GTF3C1: variants seen among roughly 807,000 people sequenced by gnomAD.
GTF3C1 encodes general transcription factor IIIC subunit 1.
A neutral mutation model predicts 226.7 loss-of-function variants in GTF3C1; 57 were observed. The ratio of observed to expected loss-of-function variants is 0.25; its 90% CI spans 0.20 to 0.31. The LOEUF (loss-of-function observed/expected upper bound fraction) is 0.31. Among genes scored for constraint, GTF3C1 ranks in the 10% least tolerant of loss-of-function variants. GTF3C1 has a pLI of 1.00. For missense variants in GTF3C1, 2,217 were observed against 2,776.1 expected, an observed-to-expected ratio of 0.80 and a Z score of 4.53; for synonymous variants, 1,090 against 1,084.8, an observed-to-expected ratio of 1.00 and a Z score of -0.09.
intron 33 of GTF3C1, 68 bp from the exon 34 acceptor site, chr16:27,464,904 G>A (rs1350912254): frequency 2.3e-6 from 3 of 1,294,548 alleles, no homozygotes; most frequent in East Asian, 2.5e-5. Flanking sequence ...GACGGGGGAC[G>A]AGTGGAGTGG....
intron 24 of GTF3C1, 59 bp downstream of exon 24, chr16:27,485,936 TCA>T: frequency 8.3e-7 from 1 of 1,201,166 alleles, no homozygotes; most frequent in South Asian, 1.4e-5. Flanking sequence ...CCCGGAAGGC[TCA>T]GACAGGAAGG....
intron 29 of GTF3C1, 86 bp downstream of exon 29, chr16:27,476,365 C>T (rs79257651): frequency 0.029 from 23,062 of 798,342 alleles, 459 homozygotes; most frequent in Admixed American, 0.05. Context: ...GAGCCCACAG[C>T]GGAGAAGGGC....
Position 27,492,468 on chromosome 16 carries a change from G to A in GTF3C1, c.3021C>T (p.Ile1007=). 3 of 1,613,544 alleles carry A rather than the reference G, an allele frequency of 1.9e-6. No individual in the cohort carries two copies. Among genetic ancestry groups the A allele is most frequent in the Non-Finnish European group, 2.5e-6 (3 of 1,179,410 alleles). The change falls in exon 19 of 37, where the codon ATC becomes ATT. Residue 1007 remains isoleucine, a synonymous_variant. Transcript: ENST00000356183. This position sits in a 1 kb window ranked among gnomAD's most constrained non-coding sequence, Gnocchi z 5.0. ...GGGCCAGGTTGTAATGTGGGTCGCAGATGGTAGTGTCAACAATGACTGCAT... is the reference window on the plus strand; with the variant it reads ...GGGCCAGGTTGTAATGTGGGTCGCAAATGGTAGTGTCAACAATGACTGCAT... ...KKNAVIVDTT[I]CDPHYNLARS...
At chr16:27,491,911 G>A (rs1175805032) in intron 19 of GTF3C1, among the ~76,000 whole-genome samples, 3 of 152,088 alleles carry the variant, frequency 2.0e-5, no homozygotes, top group African/African-American at 7.2e-5. Flanking sequence ...CTGTTCCCGA[G>A]CCCTGGAATA....
chr16:27,510,717 C>G (rs1461954486), intron 7 of GTF3C1, among the ~76,000 whole-genome samples: 1 of 152,216 alleles, frequency 6.6e-6, no homozygotes, highest in Non-Finnish European at 1.5e-5. Context: ...TCTGCTCTGT[C>G]CTCCTCCCTG....
chr16:27,500,056 A>G (rs1596636636), intron 12 of GTF3C1, among the ~76,000 whole-genome samples: 1 of 151,612 alleles, frequency 6.6e-6, no homozygotes, highest in African/African-American at 2.4e-5. Context: ...TCCCTCGCCC[A>G]CTCCCTCCAG....
chr16:27,503,047 G>A lies in GTF3C1; in HGVS notation c.1771-52C>T, dbSNP rs114737278. ...TGCAATGGGCTCGGCAAGGCTTGGG[G>A]GCCACGCACCACACCTGTGGGTGCA... On this transcript the variant is annotated intron_variant, in intron 10 of 36. Coordinates refer to ENST00000356183, the MANE Select transcript of GTF3C1 (RefSeq NM_001520.4). The A allele has an allele frequency of 4.8e-4, 708 of 1,467,522 alleles. 6 individuals are homozygous for A. In the African/African-American group the frequency reaches 7.4e-3, roughly 15 times the overall value. 90.9% of individuals were successfully genotyped at this position (1,467,522 alleles called of 1,614,324 possible).
At chr16:27,516,246 T>C (rs1385608748) in intron 6 of GTF3C1, among the ~76,000 whole-genome samples, 1 of 152,220 alleles carries the variant, frequency 6.6e-6, no homozygotes, top group Non-Finnish European at 1.5e-5. Flanking sequence ...TGAGGCTCAG[T>C]TGTTGGCCAT....
chr16:27,537,395 A>T (rs1452156892), intron 4 of GTF3C1, among the ~76,000 whole-genome samples: 1 of 152,170 alleles, frequency 6.6e-6, no homozygotes, highest in Non-Finnish European at 1.5e-5. Context: ...CTATAGTCAT[A>T]TTCTAATTTG....
rs778761663 is a variant in GTF3C1 at position 27,469,281 on chromosome 16, G to C, written c.5074+10C>G. 1.3e-6 allele frequency: 2 copies of C among 1,549,662 alleles called. No individual in the cohort carries two copies. Among genetic ancestry groups the C allele is most frequent in the South Asian group, 2.4e-5 (2 of 83,940 alleles). ...CCAGGCCCTCCCACAGCACCAGCAGGAGCACTCACCAGCGGGCCTGAGCCG... is the reference window on the plus strand; with the variant it reads ...CCAGGCCCTCCCACAGCACCAGCAGCAGCACTCACCAGCGGGCCTGAGCCG... On this transcript the variant is annotated intron_variant, in intron 32 of 36. Transcript: ENST00000356183. The surrounding 1 kb of genome is among the most constrained non-coding windows in gnomAD (Gnocchi z 4.5).
intron 2 of GTF3C1, among the ~76,000 whole-genome samples, chr16:27,540,411 A>G (rs879510597): frequency 1.3e-5 from 2 of 152,218 alleles, no homozygotes; most frequent in Non-Finnish European, 2.9e-5. Context: ...GGGGGAAAAA[A>G]GTTTGAAAAC....
At position 27,489,725 on chromosome 16, in the gene GTF3C1, C is replaced by T. The variant is rs751819984; in HGVS notation, c.3170G>A (p.Arg1057His). The T allele has an allele frequency of 2.9e-5, 46 of 1,611,478 alleles. No homozygotes were observed. The highest frequency in any genetic ancestry group is 9.9e-5 in the South Asian group (9 of 90,834). ...GTCTGTGCTGCTGTTCTTCCTGACGCGCGGGCAGCGCACCACGCCTGGAAA... is the reference window on the plus strand; with the variant it reads ...GTCTGTGCTGCTGTTCTTCCTGACGTGCGGGCAGCGCACCACGCCTGGAAA... ...NTPLGVVRCP[R>H]VRKNSSTDQG... The change falls in exon 20 of 37, where the codon CGC (arginine) becomes CAC (histidine). Residue 1057 changes from arginine (R) to histidine (H), a missense_variant. Around this residue, in one of 12 missense-constraint regions of GTF3C1, gnomAD observed 353 missense variants for 411.7 expected, o/e 0.86. Transcript: ENST00000356183.
At chr16:27,494,427 A>C (rs2088282686) in intron 16 of GTF3C1, among the ~76,000 whole-genome samples, 1 of 150,232 alleles carries the variant, frequency 6.7e-6, no homozygotes, top group Non-Finnish European at 1.5e-5. Context: ...AAAAAAAAAC[A>C]AAAAAAACCA....
rs755871949 is a variant in GTF3C1, at chr16:27,476,437, C to T, written c.4353+14G>A. Reference sequence around the variant, plus strand: ...CCCACATCCCCGCTGTGCTGCCGGGCAGCCGACACCCACCTGGAATGACTG... The same window carrying T: ...CCCACATCCCCGCTGTGCTGCCGGGTAGCCGACACCCACCTGGAATGACTG... On this transcript the variant is annotated intron_variant, in intron 29 of 36. Transcript: ENST00000356183. 6 of 1,555,098 alleles carry T rather than the reference C, an allele frequency of 3.9e-6. No individual in the cohort carries two copies. Among genetic ancestry groups the T allele is most frequent in the Non-Finnish European group, 5.3e-6 (6 of 1,126,564 alleles).
At chr16:27,506,612 T>C (rs553405849) in intron 9 of GTF3C1, among the ~76,000 whole-genome samples, 1 of 152,114 alleles carries the variant, frequency 6.6e-6, no homozygotes, top group East Asian at 1.9e-4. Flanking sequence ...CCTTTAATAG[T>C]AAAAACAAGC....
At chr16:27,474,751 C>A (rs573323417) in intron 29 of GTF3C1, among the ~76,000 whole-genome samples, 4 of 152,254 alleles carry the variant, frequency 2.6e-5, no homozygotes, top group Non-Finnish European at 4.4e-5. Flanking sequence ...AGAGGGCGCA[C>A]GGCACAGATA....
chr16:27,549,744 C>A lies in GTF3C1; in HGVS notation c.147G>T (p.Arg49=), dbSNP rs147992670. 24 of 1,612,014 alleles carry A rather than the reference C, an allele frequency of 1.5e-5. No homozygotes were observed. In the African/African-American group the frequency reaches 2.9e-4, roughly 20 times the overall value. Reference sequence around the variant, plus strand: ...TGATGCCCGGGTGCGTGGCGAGGGCCCGCCAGAGAAACTCCTGCGTGCAGG... The same window carrying A: ...TGATGCCCGGGTGCGTGGCGAGGGCACGCCAGAGAAACTCCTGCGTGCAGG... The part of the protein sequence containing the change: ...LEPCTQEFLW[R]ALATHPGISF... Residue 49 remains arginine (R), a synonymous_variant, in exon 1 of 37, where the codon CGG becomes CGT. Transcript: ENST00000356183.
At chr16:27,467,080 C>T (rs1318608166) in intron 32 of GTF3C1, among the ~76,000 whole-genome samples, 1 of 152,236 alleles carries the variant, frequency 6.6e-6, no homozygotes, top group African/African-American at 2.4e-5. Context: ...GGTGGATACA[C>T]TAAACAGATT....
rs115670156 is a variant in GTF3C1 at position 27,470,677 on chromosome 16, G to T, written c.4527-282C>A. ...TGGCGCTCCAGGAGGGCGCTGGCAGGCTCACCTTACAGGGGCTCACTGTAC... is the reference window on the plus strand; with the variant it reads ...TGGCGCTCCAGGAGGGCGCTGGCAGTCTCACCTTACAGGGGCTCACTGTAC... On this transcript the variant is annotated intron_variant, in intron 30 of 36. Transcript: ENST00000356183. The surrounding 1 kb of genome is among the most constrained non-coding windows in gnomAD (Gnocchi z 4.9). The T allele has an allele frequency of 2.2e-3, 961 of 436,694 alleles. 13 individuals carry two copies. The highest frequency in any genetic ancestry group is 0.017 in the African/African-American group (883 of 50,564). The allele number at this position is 436,694 out of a possible 1,614,324, so 27.1% of individuals were successfully genotyped here.
Sources: gnomAD v4.1 joint callset for allele counts (sites outside exome capture counted in the v4.1 genomes callset) on GRCh38, gnomAD v4.1.1 for gene constraint, gnomAD v4.1.1 regional missense constraint, Gnocchi (gnomAD v3.1) non-coding constraint, MANE v1.5 for transcripts, NCBI Gene and HGNC (gene_info 2026-07-23, HGNC 2026-07-21) for gene names.